SUPT5H: variants seen among roughly 807,000 people sequenced by gnomAD.
SUPT5H encodes the protein SPT5 homolog, DSIF elongation factor subunit.
In SUPT5H, 24 loss-of-function variants were observed where a neutral mutation model predicts 142.5. The observed-to-expected ratio is 0.17, with a 90% confidence interval of 0.12 to 0.24. The LOEUF (loss-of-function observed/expected upper bound fraction) is 0.24. Ranked by LOEUF, SUPT5H falls within the 10% of genes least tolerant of loss-of-function variation. The pLI is 1.00. For missense variants in SUPT5H, 893 were observed against 1,471.8 expected, an observed-to-expected ratio of 0.61 and a Z score of 6.43; for synonymous variants, 546 against 553.0, an observed-to-expected ratio of 0.99 and a Z score of 0.18.
intron 3 of SUPT5H, among the ~76,000 whole-genome samples, chr19:39,455,654 G>A (rs1410184097): frequency 1.4e-5 from 2 of 146,924 alleles, no homozygotes; most frequent in South Asian, 2.2e-4. Flanking sequence ...ATGGAGTTTC[G>A]CTTTTTCACC....
In SUPT5H at chr19:39,473,864, T is replaced by G; in HGVS notation, c.2493-99T>G. On this transcript the variant is annotated intron_variant, in intron 25 of 29. Transcript: ENST00000432763. This position sits in a 1 kb window ranked among gnomAD's most constrained non-coding sequence, Gnocchi z 5.8. ...CCTCTGGATGGGGCTCCCGTGAGAATGAAATTGCTTCAGTTGGGGGTCTGG... is the reference window on the plus strand; with the variant it reads ...CCTCTGGATGGGGCTCCCGTGAGAAGGAAATTGCTTCAGTTGGGGGTCTGG... 4 of 1,516,426 alleles carry G rather than the reference T, an allele frequency of 2.6e-6. No individual in the cohort carries two copies. Among genetic ancestry groups the G allele is most frequent in the Non-Finnish European group, 2.7e-6 (3 of 1,095,304 alleles). 93.9% of individuals were successfully genotyped at this position (1,516,426 alleles called of 1,614,324 possible).
intron 10 of SUPT5H, 29 bp from the exon 11 acceptor site, chr19:39,464,768 GT>G: frequency 1.9e-6 from 3 of 1,571,594 alleles, no homozygotes; most frequent in Non-Finnish European, 2.6e-6. Context: ...GTGTCTCACT[GT>G]TTCCTCCTTC....
intron 3 of SUPT5H, among the ~76,000 whole-genome samples, chr19:39,457,013 A>T (rs2079099476): frequency 6.6e-6 from 1 of 152,232 alleles, no homozygotes; most frequent in Non-Finnish European, 1.5e-5. Context: ...GTTTTTCATT[A>T]TGTGCATGTA....
rs754290520 is a variant in SUPT5H at position 39,470,291 on chromosome 19, G to C, written c.1530+17G>C. On this transcript the variant is annotated intron_variant, in intron 17 of 29. Transcript: ENST00000432763. This position sits in a 1 kb window ranked among gnomAD's most constrained non-coding sequence, Gnocchi z 5.8. ...ATGCATGAGGTAGGTGGATAGAAGG[G>C]TCGGGGAAGGGTGCACGTGCCAAGA... 28 of 1,555,686 alleles carry C rather than the reference G, an allele frequency of 1.8e-5. No homozygotes were observed. Among genetic ancestry groups the C allele is most frequent in the Non-Finnish European group, 2.4e-5 (27 of 1,144,388 alleles).
At chr19:39,461,152 T>G (rs2079155567) in intron 10 of SUPT5H, among the ~76,000 whole-genome samples, 1 of 151,950 alleles carries the variant, frequency 6.6e-6, no homozygotes, top group Admixed American at 6.6e-5. Flanking sequence ...CAGCTGGGCA[T>G]GGTGGTGCTT....
chr19:39,459,428 G>T, intron 8 of SUPT5H, 131 bp from the exon 9 acceptor site: 8 of 1,367,258 alleles, frequency 5.9e-6, no homozygotes, highest in Non-Finnish European at 8.2e-6. Flanking sequence ...CTGGGTAGAA[G>T]CGTGGGGAAG....
At chr19:39,464,754 C>T (rs368701265) in intron 10 of SUPT5H, 44 bp from the exon 11 acceptor site, 29 of 1,550,138 alleles carry the variant, frequency 1.9e-5, no homozygotes, top group African/African-American at 2.7e-5. Context: ...TGTTATTAGC[C>T]GTTGTGTCTC....
At chr19:39,476,060 C>A (rs1264644443) in intron 28 of SUPT5H, 21 bp from the exon 29 acceptor site, 3 of 1,611,278 alleles carry the variant, frequency 1.9e-6, no homozygotes, top group Non-Finnish European at 2.5e-6. Context: ...ACAGGCTGAC[C>A]AGGCTGTCCC....
In SUPT5H at chr19:39,458,052, G is replaced by GC. The variant is rs2079113610; in HGVS notation, c.308-236dup. ...GATACCCCCCACTTCCTGGGCCAGT[G>GC]CCCCCCTTTCCCCGTTATTTTCCGT... On this transcript the variant is annotated intron_variant, in intron 4 of 29. Coordinates refer to ENST00000432763, the MANE Select transcript of SUPT5H (RefSeq NM_001111020.3). The surrounding 1 kb of genome is among the most constrained non-coding windows in gnomAD (Gnocchi z 4.2). The GC allele has an allele frequency of 2.7e-6, 2 of 747,428 alleles. No individual in the cohort carries two copies. Among genetic ancestry groups the GC allele is most frequent in the Non-Finnish European group, 2.1e-6 (1 of 465,636 alleles). 46.3% of individuals were successfully genotyped at this position (747,428 alleles called of 1,614,324 possible).
chr19:39,453,931 C>T (rs1310941432), intron 3 of SUPT5H, among the ~76,000 whole-genome samples: 1 of 151,638 alleles, frequency 6.6e-6, no homozygotes, highest in Non-Finnish European at 1.5e-5. Flanking sequence ...GAATCATCTT[C>T]TGAAATGCAT....
intron 3 of SUPT5H, among the ~76,000 whole-genome samples, chr19:39,456,213 A>G (rs1392337239): frequency 6.7e-6 from 1 of 150,210 alleles, no homozygotes; most frequent in Non-Finnish European, 1.5e-5. Context: ...CATTGTGCCC[A>G]GACCTTTTTT....
At chr19:39,460,683 C>T (rs1385405529) in intron 10 of SUPT5H, among the ~76,000 whole-genome samples, 4 of 151,954 alleles carry the variant, frequency 2.6e-5, no homozygotes, top group Non-Finnish European at 5.9e-5. Flanking sequence ...TGCGGTGAGC[C>T]GAGATCGCAT....
rs912054659 is a variant in SUPT5H at position 39,466,830 on chromosome 19, G to A, written c.1037+85G>A. ...TTTTGCAGGTTCCTCCCCAGGGGTG[G>A]CCCCGCCACAGGTTTAGCCTGTGAA... On this transcript the variant is annotated intron_variant, in intron 13 of 29. Coordinates refer to ENST00000432763, the MANE Select transcript of SUPT5H (RefSeq NM_001111020.3). The surrounding 1 kb of genome is among the most constrained non-coding windows in gnomAD (Gnocchi z 4.3). 6 of 1,370,838 alleles carry A rather than the reference G, an allele frequency of 4.4e-6. No homozygotes were observed. In the Admixed American group the frequency reaches 8.5e-5, roughly 19 times the overall value. The allele number at this position is 1,370,838 out of a possible 1,614,324, so 84.9% of individuals were successfully genotyped here. A position where few individuals can be genotyped will look rare whatever the true frequency, so the allele number is the denominator to read the frequency against.
chr19:39,476,112 G>A lies in SUPT5H; in HGVS notation c.3056G>A (p.Ser1019Asn). 6.2e-7 allele frequency: 1 copy of A among 1,614,156 alleles called. No individual in the cohort carries two copies. Among genetic ancestry groups the A allele is most frequent in the Non-Finnish European group, 8.5e-7 (1 of 1,180,030 alleles). Residue 1019 changes from serine to asparagine, a missense_variant, in exon 29 of 30, where the codon AGT becomes AAT. By Grantham distance (46) the Ser-to-Asn change is conservative. Around this residue, in one of 6 missense-constraint regions of SUPT5H, gnomAD observed 336 missense variants for 546.5 expected, o/e 0.61. Coordinates refer to ENST00000432763, the MANE Select transcript of SUPT5H (RefSeq NM_001111020.3). ...GGMCSVYLKD[S>N]EKVVSISSEH... Reference sequence around the variant, plus strand: ...ATGTGCTCTGTGTACCTGAAGGACAGTGAGAAGGTTGTCAGCATTTCCAGT... The same window carrying A: ...ATGTGCTCTGTGTACCTGAAGGACAATGAGAAGGTTGTCAGCATTTCCAGT...
chr19:39,474,762 T>C lies in SUPT5H; in HGVS notation c.3024+44T>C. The C allele has an allele frequency of 1.9e-6, 3 of 1,559,722 alleles. No individual in the cohort carries two copies. The highest frequency in any genetic ancestry group is 2.6e-6 in the Non-Finnish European group (3 of 1,150,272). Reference sequence around the variant, plus strand: ...GGTGGGTGAGCAGGCATCCTCTCCTTGGTACCCCCTAAACTGGAGACAGAC... The same window carrying C: ...GGTGGGTGAGCAGGCATCCTCTCCTCGGTACCCCCTAAACTGGAGACAGAC... On this transcript the variant is annotated intron_variant, in intron 28 of 29. Coordinates refer to ENST00000432763, the MANE Select transcript of SUPT5H (RefSeq NM_001111020.3). The surrounding 1 kb of genome is among the most constrained non-coding windows in gnomAD (Gnocchi z 6.5).
At position 39,472,321 on chromosome 19, in the gene SUPT5H, CAG is replaced by C; in HGVS notation, c.1951-87_1951-86del. On this transcript the variant is annotated intron_variant, in intron 20 of 29. Coordinates refer to ENST00000432763, the MANE Select transcript of SUPT5H (RefSeq NM_001111020.3). The surrounding 1 kb of genome is among the most constrained non-coding windows in gnomAD (Gnocchi z 4.2). Reference sequence around the variant, plus strand: ...GGTGTGGGTGGCTGGGTGGTCTCCTCAGGGCCCTGCACGTGGGATGATGAGTT... The same window carrying C: ...GGTGTGGGTGGCTGGGTGGTCTCCTCGGCCCTGCACGTGGGATGATGAGTT... 7.5e-7 allele frequency: 1 copy of C among 1,338,974 alleles called. No individual in the cohort carries two copies. The highest frequency in any genetic ancestry group is 1.1e-6 in the Non-Finnish European group (1 of 938,346). The allele number at this position is 1,338,974 out of a possible 1,614,324, so 82.9% of individuals were successfully genotyped here. A position where few individuals can be genotyped will look rare whatever the true frequency, so the allele number is the denominator to read the frequency against.
In SUPT5H at chr19:39,466,966, GAAGGCT is replaced by G. The variant is rs2079247843; in HGVS notation, c.1037+227_1037+232del. On this transcript the variant is annotated intron_variant, in intron 13 of 29. Transcript: ENST00000432763. This position sits in a 1 kb window ranked among gnomAD's most constrained non-coding sequence, Gnocchi z 4.3. ...GGGCGCAGCGGGAGGGAGCACTTTG[GAAGGCT>G]AAGGCAGGAGGCTTGCTTGAGGCAA... 1 of 572,362 alleles carries G rather than the reference GAAGGCT, an allele frequency of 1.7e-6. No individual in the cohort carries two copies. Among genetic ancestry groups the G allele is most frequent in the Non-Finnish European group, 3.1e-6 (1 of 321,684 alleles). The allele number at this position is 572,362 out of a possible 1,614,324, so 35.5% of individuals were successfully genotyped here.
chr19:39,458,974 A>C lies in SUPT5H; in HGVS notation c.390-31A>C, dbSNP rs1479188486. The C allele has an allele frequency of 6.2e-7, 1 of 1,613,920 alleles. No individual in the cohort carries two copies. Among genetic ancestry groups the C allele is most frequent in the African/African-American group, 1.3e-5 (1 of 74,860 alleles). On this transcript the variant is annotated intron_variant, in intron 6 of 29. Transcript: ENST00000432763. This position sits in a 1 kb window ranked among gnomAD's most constrained non-coding sequence, Gnocchi z 4.2. ...GCCCACCTGCTGTCCTCAACCTTCA[A>C]TTCGTGTTTGCTTCCCCACTCGTGC...
chr19:39,446,024 A>G (rs1019889518), intron 2 of SUPT5H, 59 bp downstream of exon 2: 16 of 1,566,470 alleles, frequency 1.0e-5, no homozygotes, highest in African/African-American at 1.3e-5. Flanking sequence ...CCGGGCAGAA[A>G]GGCCCCTGTG....
Sources: allele counts gnomAD v4.1 joint callset (sites outside exome capture counted in the v4.1 genomes callset), GRCh38; gene constraint gnomAD v4.1.1; regional missense constraint gnomAD v4.1.1; non-coding constraint Gnocchi (gnomAD v3.1); transcripts MANE v1.5; gene names NCBI Gene and HGNC (gene_info 2026-07-23, HGNC 2026-07-21).